Variants in EIF2AK1 observed in about 807,000 individuals in gnomAD.
EIF2AK1 encodes the protein eukaryotic translation initiation factor 2 alpha kinase 1.
A neutral mutation model predicts 77.9 loss-of-function variants in EIF2AK1; 54 were observed. That is an observed-to-expected ratio of 0.69 (90% CI 0.56 to 0.87). The LOEUF (loss-of-function observed/expected upper bound fraction) is 0.87, where lower values mean the gene tolerates loss of function less well. Ranked by LOEUF, EIF2AK1 falls within the 40% of genes least tolerant of loss-of-function variation. The probability of loss-of-function intolerance (pLI) is 0.00; values close to 1 mark genes in which losing one functional copy is unlikely to be tolerated. For missense variants in EIF2AK1, 810 were observed against 768.6 expected, an observed-to-expected ratio of 1.05 and a Z score of -0.64; for synonymous variants, 314 against 290.5, an observed-to-expected ratio of 1.08 and a Z score of -0.82.
chr7:6,036,772 TATAGAA>T lies in EIF2AK1; in HGVS notation c.1332+646_1332+651del, dbSNP rs1788111884. On this transcript the variant is annotated intron_variant, in intron 11 of 14. Transcript: ENST00000199389. The surrounding 1 kb of genome is among the most constrained non-coding windows in gnomAD (Gnocchi z 4.6). ...TTTGTTAAACTTTAAGATGAATAAT[TATAGAA>T]ATAGAGTTTACCTCTAAGTCTGCAA... 6.6e-6 allele frequency among the ~76,000 whole-genome samples: 1 copy of T among 152,084 alleles called. No homozygotes were observed. Among genetic ancestry groups the T allele is most frequent in the South Asian group, 2.1e-4 (1 of 4,830 alleles).
rs1788065228 is a variant in EIF2AK1, at chr7:6,035,865, G to GC, written c.1332+1558dup. On this transcript the variant is annotated intron_variant, in intron 11 of 14. Transcript: ENST00000199389. This position sits in a 1 kb window ranked among gnomAD's most constrained non-coding sequence, Gnocchi z 5.5. The stretch of plus-strand genomic sequence containing the variant: ...GCCCCTGAAGCTTGCAGTGTGCACT[G>GC]CATCAAGCAAAGCAGGCCGACTCCT... The GC allele has an allele frequency of 1.6e-5, 24 of 1,547,728 alleles. No individual in the cohort carries two copies. Among genetic ancestry groups the GC allele is most frequent in the Non-Finnish European group, 2.0e-5 (23 of 1,145,010 alleles).
At chr7:6,044,440 A>G in intron 7 of EIF2AK1, 122 bp downstream of exon 7, 1 of 791,732 alleles carries the variant, frequency 1.3e-6, no homozygotes, top group Non-Finnish European at 2.0e-6. Context: ...TCCGTCTCAA[A>G]AAAAAATATG....
At chr7:6,031,802 C>T (rs1787920267) in intron 11 of EIF2AK1, among the ~76,000 whole-genome samples, 1 of 152,162 alleles carries the variant, frequency 6.6e-6, no homozygotes. Context: ...AAACACCAGA[C>T]CCTGTGTGAC....
Position 6,026,807 on chromosome 7 carries a change from T to G in EIF2AK1, c.1685A>C (p.His562Pro). 17 of 1,614,194 alleles carry G rather than the reference T, an allele frequency of 1.1e-5. No homozygotes were observed. The highest frequency in any genetic ancestry group is 1.4e-5 in the Non-Finnish European group (16 of 1,180,038). The change falls in exon 14 of 15, where the codon CAC becomes CCC. Residue 562 changes from histidine to proline, a missense_variant. This residue lies in a region of EIF2AK1 where 549 missense variants were observed against 533.7 expected (regional missense o/e 1.03). Coordinates refer to ENST00000199389, the MANE Select transcript of EIF2AK1 (RefSeq NM_014413.4). Reference sequence around the variant, plus strand: ...CTGCGATGAGTTCCTTCTCGTTAAGTGCTGGATATACTTGGCTTGCACTGG... The same window carrying G: ...CTGCGATGAGTTCCTTCTCGTTAAGGGCTGGATATACTTGGCTTGCACTGG... Reference protein sequence around the residue: ...RCPVQAKYIQHLTRRNSSQRP... With the variant: ...RCPVQAKYIQPLTRRNSSQRP...
Position 6,033,472 on chromosome 7 carries a change from G to A in EIF2AK1, c.1332+3952C>T, listed in dbSNP as rs1787975198. ...AATTAATGCACATTCTGAGGATTAA[G>A]AGCTCAATGGTGGTGTTGTGAGGAA... On this transcript the variant is annotated intron_variant, in intron 11 of 14. Coordinates refer to ENST00000199389, the MANE Select transcript of EIF2AK1 (RefSeq NM_014413.4). This position sits in a 1 kb window ranked among gnomAD's most constrained non-coding sequence, Gnocchi z 4.4. 6.6e-6 allele frequency among the ~76,000 whole-genome samples: 1 copy of A among 152,184 alleles called. No homozygotes were observed. The highest frequency in any genetic ancestry group is 2.4e-5 in the African/African-American group (1 of 41,434).
chr7:6,038,696 C>A, intron 9 of EIF2AK1, 25 bp from the exon 10 acceptor site: 1 of 1,563,028 alleles, frequency 6.4e-7, no homozygotes, highest in Non-Finnish European at 8.7e-7. Context: ...AGTGATGGCT[C>A]CCATCTTTGC....
chr7:6,029,828 C>T (rs948630417), intron 11 of EIF2AK1, among the ~76,000 whole-genome samples: 1 of 151,880 alleles, frequency 6.6e-6, no homozygotes, highest in Non-Finnish European at 1.5e-5. Context: ...ACTAAAAATA[C>T]AAAAATTAGC....
intron 11 of EIF2AK1, chr7:6,031,652 G>A: frequency 1.3e-6 from 2 of 1,485,276 alleles, no homozygotes; most frequent in Non-Finnish European, 1.8e-6. Context: ...AAAGAAGCAT[G>A]ATCTAAAGCT....
intron 8 of EIF2AK1, among the ~76,000 whole-genome samples, chr7:6,042,694 G>A (rs1788332438): frequency 2.6e-5 from 4 of 151,960 alleles, no homozygotes; most frequent in Admixed American, 6.6e-5. Flanking sequence ...GTGAAACCCC[G>A]TCTCTACTAA....
At chr7:6,029,506 A>C (rs113693439) in intron 11 of EIF2AK1, among the ~76,000 whole-genome samples, 13,287 of 151,498 alleles carry the variant, frequency 0.088, 870 homozygotes, top group African/African-American at 0.18. Flanking sequence ...AAAAAAAAAA[A>C]CCTCAACATT....
At chr7:6,034,718 G>C (rs1788026331) in intron 11 of EIF2AK1, among the ~76,000 whole-genome samples, 2 of 152,216 alleles carry the variant, frequency 1.3e-5, no homozygotes, top group South Asian at 4.1e-4. Context: ...CAGCAGAGCA[G>C]TTAGATTTAC....
chr7:6,058,981 C>T lies in EIF2AK1; in HGVS notation c.103G>A (p.Asp35Asn), dbSNP rs1236641804. 4.5e-6 allele frequency: 7 copies of T among 1,540,826 alleles called. No individual in the cohort carries two copies. Among genetic ancestry groups the T allele is most frequent in the South Asian group, 3.6e-5 (3 of 82,454 alleles). ...GATCCCTCACCGTCATATTCGGGGTCCGGGCCCTCGGCGGGAAAGTCGATG... is the reference window on the plus strand; with the variant it reads ...GATCCCTCACCGTCATATTCGGGGTTCGGGCCCTCGGCGGGAAAGTCGATG... ...PAIDFPAEGP[D>N]PEYDESDVPA... Residue 35 changes from aspartate to asparagine, a missense_variant, in exon 1 of 15, where the codon GAC becomes AAC. Physicochemically the swap from Asp to Asn is conservative, Grantham distance 23. Coordinates refer to ENST00000199389, the MANE Select transcript of EIF2AK1 (RefSeq NM_014413.4).
chr7:6,024,724 AAGG>A lies in EIF2AK1; in HGVS notation c.1839_1841del (p.Leu614del). 6.2e-7 allele frequency: 1 copy of A among 1,608,148 alleles called. No homozygotes were observed. ...CATCCCTCACCCCTTTGTCTTGAGA[AAGG>A]AGGTTTAGCTGCTTCTTTAGTTCTG... is the stretch of plus-strand genomic sequence containing the variant. On this transcript the variant is annotated inframe_deletion, in exon 15 of 15. Coordinates refer to ENST00000199389, the MANE Select transcript of EIF2AK1 (RefSeq NM_014413.4).
chr7:6,031,991 G>A (rs1422124588), intron 11 of EIF2AK1, among the ~76,000 whole-genome samples: 1 of 152,108 alleles, frequency 6.6e-6, no homozygotes, highest in Non-Finnish European at 1.5e-5. Flanking sequence ...CTGGCCAGCA[G>A]GGCAAAACCC....
chr7:6,047,233 G>T, intron 4 of EIF2AK1, 142 bp from the exon 5 acceptor site: 1 of 898,614 alleles, frequency 1.1e-6, no homozygotes, highest in Non-Finnish European at 1.8e-6. Context: ...GGGCTAAAAT[G>T]AAATTTTTCA....
rs1202431077 is a variant in EIF2AK1, at chr7:6,027,717, A to G, written c.1531-756T>C. On this transcript the variant is annotated intron_variant, in intron 13 of 14. Coordinates refer to ENST00000199389, the MANE Select transcript of EIF2AK1 (RefSeq NM_014413.4). This position sits in a 1 kb window ranked among gnomAD's most constrained non-coding sequence, Gnocchi z 4.5. ...GAAGAAAGGCTGAAAACAGGCTTCC[A>G]TGAATTCTAGCTTCCTGAGGTGAAC... is the stretch of plus-strand genomic sequence containing the variant. Among the ~76,000 whole-genome samples the G allele has an allele frequency of 6.6e-6, 1 of 152,112 alleles. No individual in the cohort carries two copies. The highest frequency in any genetic ancestry group is 1.5e-5 in the Non-Finnish European group (1 of 68,026).
At chr7:6,030,740 G>T (rs1787886608) in intron 11 of EIF2AK1, among the ~76,000 whole-genome samples, 1 of 152,086 alleles carries the variant, frequency 6.6e-6, no homozygotes, top group African/African-American at 2.4e-5. Flanking sequence ...CTCATGTTCT[G>T]CCCGCCCTGG....
chr7:6,024,497 T>G lies in EIF2AK1; in HGVS notation c.*176A>C. On this transcript the variant is annotated 3_prime_UTR_variant, in exon 15 of 15. Coordinates refer to ENST00000199389, the MANE Select transcript of EIF2AK1 (RefSeq NM_014413.4). The stretch of plus-strand genomic sequence containing the variant: ...TATGGTTAATATTTAGGTAGGAAAT[T>G]CAGGAAAAGGAGCTTGTGGGGCAGG... 3 of 1,422,926 alleles carry G rather than the reference T, an allele frequency of 2.1e-6. No homozygotes were observed. The highest frequency in any genetic ancestry group is 2.7e-6 in the Non-Finnish European group (3 of 1,095,198). 88.1% of individuals were successfully genotyped at this position (1,422,926 alleles called of 1,614,324 possible).
chr7:6,026,475 CT>C (rs1177345940), intron 14 of EIF2AK1: 1 of 650,402 alleles, frequency 1.5e-6, no homozygotes, highest in Admixed American at 2.1e-5. Flanking sequence ...CTCCGCTCCT[CT>C]TTGTGAACAC....
Sources: allele counts gnomAD v4.1 joint callset (sites outside exome capture counted in the v4.1 genomes callset), GRCh38; gene constraint gnomAD v4.1.1; regional missense constraint gnomAD v4.1.1; non-coding constraint Gnocchi (gnomAD v3.1); transcripts MANE v1.5; gene names NCBI Gene and HGNC (gene_info 2026-07-23, HGNC 2026-07-21).